The following KCNQ1 variants were observed in gnomAD, a reference collection of about 807,000 sequenced individuals.
KCNQ1 encodes potassium voltage-gated channel subfamily Q member 1.
KCNQ1 carries 49 observed loss-of-function variants against 72.4 expected under a neutral mutation model. The ratio of observed to expected loss-of-function variants is 0.68; its 90% CI spans 0.54 to 0.86. KCNQ1 has a LOEUF of 0.86. Among genes scored for constraint, KCNQ1 ranks in the 40% least tolerant of loss-of-function variants. The pLI is 0.00. For synonymous variants in KCNQ1, 450 were observed against 412.6 expected (o/e 1.09, Z -1.10); for missense variants, 790 against 945.1 (o/e 0.84, Z 2.15).
intron 2 of KCNQ1, among the ~76,000 whole-genome samples, chr11:2,561,208 A>AAATAAAAG (rs1554891921): frequency 3.4e-5 from 5 of 147,660 alleles, no homozygotes; most frequent in African/African-American, 1.3e-4. Flanking sequence ...CTCAAAAAAA[A>AAATAAAAG]AAAAAAAGAA....
chr11:2,778,048 G>C lies in KCNQ1; in HGVS notation c.1794+11G>C. Reference sequence around the variant, plus strand: ...CGAGTAGAAGACAAGGTAGGCTCACGCGCCGGCCTGCGGTGGTTCTGGTTA... The same window carrying C: ...CGAGTAGAAGACAAGGTAGGCTCACCCGCCGGCCTGCGGTGGTTCTGGTTA... On this transcript the variant is annotated intron_variant, in intron 15 of 15. Transcript: ENST00000155840. 2 of 1,613,018 alleles carry C rather than the reference G, an allele frequency of 1.2e-6. No homozygotes were observed. Among genetic ancestry groups the C allele is most frequent in the Non-Finnish European group, 1.7e-6 (2 of 1,179,858 alleles).
Position 2,621,007 on chromosome 11 carries a change from T to C in KCNQ1, c.1393+32153T>C, listed in dbSNP as rs1268965359. The C allele has an allele frequency of 2.5e-6, 1 of 397,232 alleles. No homozygotes were observed. Among genetic ancestry groups the C allele is most frequent in the Non-Finnish European group, 4.4e-6 (1 of 225,872 alleles). 24.6% of individuals were successfully genotyped at this position (397,232 alleles called of 1,614,324 possible). A position where few individuals can be genotyped will look rare whatever the true frequency, so the allele number is the denominator to read the frequency against. ...TTTGTTTGTTTTTTGAGAAAGAGTC[T>C]TGCTCTGTCTCCCAGGCTGGAGTGC... On this transcript the variant is annotated intron_variant, in intron 10 of 15. Coordinates refer to ENST00000155840, the MANE Select transcript of KCNQ1 (RefSeq NM_000218.3). The surrounding 1 kb of genome is among the most constrained non-coding windows in gnomAD (Gnocchi z 5.7).
intron 11 of KCNQ1, among the ~76,000 whole-genome samples, chr11:2,760,306 T>C (rs1047549412): frequency 6.6e-6 from 1 of 152,194 alleles, no homozygotes; most frequent in Non-Finnish European, 1.5e-5. Flanking sequence ...GAGGAGCTAA[T>C]GGGTAAGTTA....
Position 2,497,605 on chromosome 11 carries a change from T to G in KCNQ1, c.387-30323T>G, listed in dbSNP as rs908499347. Among the ~76,000 whole-genome samples the G allele has an allele frequency of 1.3e-5, 2 of 152,220 alleles. No homozygotes were observed. Among genetic ancestry groups the G allele is most frequent in the Non-Finnish European group, 2.9e-5 (2 of 68,042 alleles). ...GGTTCTTAGCTTCCTTGCATTGGGT[T>G]AGAACATGCTTCTCTAGCTCAGAGG... On this transcript the variant is annotated intron_variant, in intron 1 of 15. Coordinates refer to ENST00000155840, the MANE Select transcript of KCNQ1 (RefSeq NM_000218.3). This position sits in a 1 kb window ranked among gnomAD's most constrained non-coding sequence, Gnocchi z 4.5.
At chr11:2,510,462 C>T (rs1304093858) in intron 1 of KCNQ1, among the ~76,000 whole-genome samples, 1 of 152,020 alleles carries the variant, frequency 6.6e-6, no homozygotes, top group Admixed American at 6.5e-5. Flanking sequence ...CAAAAATTAG[C>T]TGGGTGTGGT....
In KCNQ1 at chr11:2,826,224, A is replaced by G. The variant is rs1290160231; in HGVS notation, c.1795-21543A>G. ...TTCATGTCAGCTGCATTTTAAGGCT[A>G]CATTTCACGTCAGCTGTGACTTGGA... On this transcript the variant is annotated intron_variant, in intron 15 of 15. Transcript: ENST00000155840. This position sits in a 1 kb window ranked among gnomAD's most constrained non-coding sequence, Gnocchi z 4.2. 6.6e-6 allele frequency among the ~76,000 whole-genome samples: 1 copy of G among 152,232 alleles called. No homozygotes were observed. The highest frequency in any genetic ancestry group is 1.9e-4 in the East Asian group (1 of 5,196).
Position 2,471,256 on chromosome 11 carries a change from A to AC in KCNQ1, c.386+25776dup, listed in dbSNP as rs1460897506. 6.6e-6 allele frequency among the ~76,000 whole-genome samples: 1 copy of AC among 151,130 alleles called. No individual in the cohort carries two copies. Among genetic ancestry groups the AC allele is most frequent in the Non-Finnish European group, 1.5e-5 (1 of 67,820 alleles). On this transcript the variant is annotated intron_variant, in intron 1 of 15. Transcript: ENST00000155840. This position sits in a 1 kb window ranked among gnomAD's most constrained non-coding sequence, Gnocchi z 4.8. Reference sequence around the variant, plus strand: ...GGCTTCAGGGTCCCCAACTTTTCAGACCCCACCTCTGTGTTGCTCTGCAAG... The same window carrying AC: ...GGCTTCAGGGTCCCCAACTTTTCAGACCCCCACCTCTGTGTTGCTCTGCAAG...
chr11:2,534,971 T>C (rs1370429063), intron 2 of KCNQ1, among the ~76,000 whole-genome samples: 1 of 152,188 alleles, frequency 6.6e-6, no homozygotes. Context: ...CTGGTTCCTG[T>C]CTGCACTGAG....
chr11:2,604,346 C>T lies in KCNQ1; in HGVS notation c.1393+15492C>T, dbSNP rs560870330. Among the ~76,000 whole-genome samples the T allele has an allele frequency of 4.6e-5, 7 of 151,446 alleles. No homozygotes were observed. In the East Asian group the frequency reaches 1.0e-3, roughly 22 times the overall value. Reference sequence around the variant, plus strand: ...TACAAAAATTAGCTGGGCATGGTGGCAGGTGCCTGTAATTCCAGCTACTCG... The same window carrying T: ...TACAAAAATTAGCTGGGCATGGTGGTAGGTGCCTGTAATTCCAGCTACTCG... On this transcript the variant is annotated intron_variant, in intron 10 of 15. Transcript: ENST00000155840.
chr11:2,666,740 A>G (rs929443624), intron 11 of KCNQ1: 2 of 398,690 alleles, frequency 5.0e-6, no homozygotes, highest in South Asian at 2.5e-4. Context: ...ACCCCAGGGT[A>G]CCAGGCACTG....
In KCNQ1 at chr11:2,603,374, C is replaced by T. The variant is rs1191659369; in HGVS notation, c.1393+14520C>T. ...ATAGACTTGCTCAGTGCAGGCTTACCACACACATTTAATTTTTTAAAAACA... is the reference window on the plus strand; with the variant it reads ...ATAGACTTGCTCAGTGCAGGCTTACTACACACATTTAATTTTTTAAAAACA... On this transcript the variant is annotated intron_variant, in intron 10 of 15. Coordinates refer to ENST00000155840, the MANE Select transcript of KCNQ1 (RefSeq NM_000218.3). The surrounding 1 kb of genome is among the most constrained non-coding windows in gnomAD (Gnocchi z 4.1). Among the ~76,000 whole-genome samples the T allele has an allele frequency of 6.6e-6, 1 of 152,132 alleles. No individual in the cohort carries two copies. The highest frequency in any genetic ancestry group is 2.4e-5 in the African/African-American group (1 of 41,432).
chr11:2,751,019 C>T (rs1846217684), intron 11 of KCNQ1, among the ~76,000 whole-genome samples: 1 of 152,214 alleles, frequency 6.6e-6, no homozygotes, highest in African/African-American at 2.4e-5. Flanking sequence ...TCTTCGCTAG[C>T]TCCTTCCTGG....
Position 2,784,814 on chromosome 11 carries a change from TC to T in KCNQ1, c.1794+6778del. ...TGTTAATGGAATTGTTTTCTTAATT[TC>T]ATTTTGAATTAATTGTTCATTACTA... On this transcript the variant is annotated intron_variant, in intron 15 of 15. Transcript: ENST00000155840. This position sits in a 1 kb window ranked among gnomAD's most constrained non-coding sequence, Gnocchi z 4.7. Among the ~76,000 whole-genome samples the T allele has an allele frequency of 6.6e-6, 1 of 152,162 alleles. No individual in the cohort carries two copies. Among genetic ancestry groups the T allele is most frequent in the East Asian group, 1.9e-4 (1 of 5,192 alleles).
At position 2,772,117 on chromosome 11, in the gene KCNQ1, G is replaced by A. The variant is rs542498545; in HGVS notation, c.1590+3198G>A. 3.5e-4 allele frequency among the ~76,000 whole-genome samples: 53 copies of A among 152,188 alleles called. No individual in the cohort carries two copies. The highest frequency in any genetic ancestry group is 6.0e-4 in the Non-Finnish European group (41 of 68,018). On this transcript the variant is annotated intron_variant, in intron 12 of 15. Transcript: ENST00000155840. The surrounding 1 kb of genome is among the most constrained non-coding windows in gnomAD (Gnocchi z 6.6). ...AGCAGCATGGAGGGGTGGGGCCAGG[G>A]TGAGGGGAGCAGTAGCCCGTGGCAG...
rs929585203 is a variant in KCNQ1 at position 2,652,807 on chromosome 11, G to C, written c.1394-9154G>C. 5.0e-6 allele frequency: 2 copies of C among 398,980 alleles called. No individual in the cohort carries two copies. The highest frequency in any genetic ancestry group is 2.1e-5 in the African/African-American group (1 of 48,644). 24.7% of individuals were successfully genotyped at this position (398,980 alleles called of 1,614,324 possible). On this transcript the variant is annotated intron_variant, in intron 10 of 15. Coordinates refer to ENST00000155840, the MANE Select transcript of KCNQ1 (RefSeq NM_000218.3). This position sits in a 1 kb window ranked among gnomAD's most constrained non-coding sequence, Gnocchi z 5.9. ...CTACTCAGACCCCACCCTTGGGCCT[G>C]CAGAGACATTTCCGTTCACTCTGAG...
rs1304520647 is a variant in KCNQ1 at position 2,611,360 on chromosome 11, C to T, written c.1393+22506C>T. The T allele has an allele frequency of 1.0e-5, 4 of 397,382 alleles. No homozygotes were observed. In the Admixed American group the frequency reaches 1.3e-4, roughly 13 times the overall value. 24.6% of individuals were successfully genotyped at this position (397,382 alleles called of 1,614,324 possible). A position where few individuals can be genotyped will look rare whatever the true frequency, so the allele number is the denominator to read the frequency against. On this transcript the variant is annotated intron_variant, in intron 10 of 15. Transcript: ENST00000155840. This position sits in a 1 kb window ranked among gnomAD's most constrained non-coding sequence, Gnocchi z 5.3. ...TCAGCATCCCAAGTAGCTGGGACTA[C>T]AGGCATTTGCCACCATACCCAGCTA...
chr11:2,761,539 A>G (rs1055171523), intron 11 of KCNQ1, among the ~76,000 whole-genome samples: 2 of 151,956 alleles, frequency 1.3e-5, no homozygotes, highest in Non-Finnish European at 2.9e-5. Flanking sequence ...GTAGGGTGGA[A>G]CCCTAGCCAG....
In KCNQ1 at chr11:2,661,120, G is replaced by A. The variant is rs555535189; in HGVS notation, c.1394-841G>A. 2.0e-5 allele frequency: 8 copies of A among 398,522 alleles called. No individual in the cohort carries two copies. The highest frequency in any genetic ancestry group is 2.5e-4 in the South Asian group (2 of 7,846). The allele number at this position is 398,522 out of a possible 1,614,324, so 24.7% of individuals were successfully genotyped here. ...AACTCCCACCTGGCATCTGCTGCTC[G>A]GATGAGCAGAGAGGGTGGGCTAGGG... is the stretch of plus-strand genomic sequence containing the variant. On this transcript the variant is annotated intron_variant, in intron 10 of 15. Coordinates refer to ENST00000155840, the MANE Select transcript of KCNQ1 (RefSeq NM_000218.3). The surrounding 1 kb of genome is among the most constrained non-coding windows in gnomAD (Gnocchi z 5.9).
At position 2,803,081 on chromosome 11, in the gene KCNQ1, G is replaced by A. The variant is rs937167981; in HGVS notation, c.1794+25044G>A. ...GGCAGGATGGGAGTGCCCATCAGCCGGAAGGCCACGGGAGTCAATGGTGAG... is the reference window on the plus strand; with the variant it reads ...GGCAGGATGGGAGTGCCCATCAGCCAGAAGGCCACGGGAGTCAATGGTGAG... On this transcript the variant is annotated intron_variant, in intron 15 of 15. Transcript: ENST00000155840. The surrounding 1 kb of genome is among the most constrained non-coding windows in gnomAD (Gnocchi z 6.4). 2.6e-5 allele frequency among the ~76,000 whole-genome samples: 4 copies of A among 152,212 alleles called. No individual in the cohort carries two copies. In the East Asian group the frequency reaches 5.8e-4, roughly 22 times the overall value.
Sources: allele counts gnomAD v4.1 joint callset (sites outside exome capture counted in the v4.1 genomes callset), GRCh38; gene constraint gnomAD v4.1.1; non-coding constraint Gnocchi (gnomAD v3.1); transcripts MANE v1.5; gene names NCBI Gene and HGNC (gene_info 2026-07-23, HGNC 2026-07-21).